Variants in ZDHHC24 observed in about 807,000 individuals in gnomAD.
The protein encoded by ZDHHC24 is zDHHC palmitoyltransferase 24, also known as probable palmitoyltransferase ZDHHC24.
In ZDHHC24, 17 loss-of-function variants were observed where a neutral mutation model predicts 23.2. The observed-to-expected ratio is 0.73, with a 90% CI of 0.50 to 1.10. The LOEUF is 1.10. ZDHHC24 is among the 50% of genes least tolerant of loss of function. The pLI is 0.00. For synonymous variants in ZDHHC24, 186 were observed against 194.5 expected, an observed-to-expected ratio of 0.96 and a Z score of 0.36; for missense variants, 366 against 393.0, an observed-to-expected ratio of 0.93 and a Z score of 0.58.
rs1038861903 is a variant in ZDHHC24 at position 66,539,504 on chromosome 11, T to A, written c.*25A>T. On this transcript the variant is annotated 3_prime_UTR_variant, in exon 3 of 3. Coordinates refer to ENST00000310442, the MANE Select transcript of ZDHHC24 (RefSeq NM_207340.3). ...GGCCCCCCTCTCACCCCTTCCTCCC[T>A]GCACAGCTCTGGCTCTTCCTGGAGT... 3.3e-6 allele frequency: 5 copies of A among 1,519,022 alleles called. No homozygotes were observed. Among genetic ancestry groups the A allele is most frequent in the Admixed American group, 4.4e-5 (2 of 45,200 alleles). The allele number at this position is 1,519,022 out of a possible 1,614,324, so 94.1% of individuals were successfully genotyped here. A position where few individuals can be genotyped will look rare whatever the true frequency, so the allele number is the denominator to read the frequency against.
In ZDHHC24 at chr11:66,545,967, C is replaced by T. The variant is rs1190349412; in HGVS notation, c.37G>A (p.Ala13Thr). Residue 13 changes from alanine to threonine, a missense_variant, in exon 1 of 3, where the codon GCG (alanine) becomes ACG (threonine). Coordinates refer to ENST00000310442, the MANE Select transcript of ZDHHC24 (RefSeq NM_207340.3). The surrounding 1 kb of genome is among the most constrained non-coding windows in gnomAD (Gnocchi z 4.5). ...AGCACGAGAGGCAGCTGCGCGGGCG[C>T]CCCGTCCGTGCTCCCAGCCGCCCAG... ...QPWAAGSTDG[A>T]PAQLPLVLTA... 49 of 1,426,412 alleles carry T rather than the reference C, an allele frequency of 3.4e-5. No homozygotes were observed. The highest frequency in any genetic ancestry group is 4.3e-5 in the Non-Finnish European group (48 of 1,104,532). 88.4% of individuals were successfully genotyped at this position (1,426,412 alleles called of 1,614,324 possible).
chr11:66,532,514 G>GCAA (rs1856829015), downstream of ZDHHC24: 1 of 164,670 alleles, frequency 6.1e-6, no homozygotes, highest in Non-Finnish European at 1.3e-5. Flanking sequence ...GAGTTCCGGA[G>GCAA]GCTGGGCTGC....
chr11:66,530,906 G>A, downstream of ZDHHC24: 1 of 1,614,226 alleles, frequency 6.2e-7, no homozygotes, highest in Non-Finnish European at 8.5e-7. Flanking sequence ...TCAGGGCCTT[G>A]GCCCCACCTT....
At chr11:66,524,598 A>G (rs946308758) in intron 4 of ZDHHC24, among the ~76,000 whole-genome samples, 1 of 152,204 alleles carries the variant, frequency 6.6e-6, no homozygotes, top group Admixed American at 6.5e-5. Flanking sequence ...AACATTCTGC[A>G]CAGAGAATAG....
At position 66,536,120 on chromosome 11, in the gene ZDHHC24, T is replaced by G. The variant is rs768074727; in HGVS notation, c.*3409A>C. On this transcript the variant is annotated 3_prime_UTR_variant, in exon 3 of 3. Coordinates refer to ENST00000310442, the MANE Select transcript of ZDHHC24 (RefSeq NM_207340.3). ...CTATAAAGCAAAGCAACGGAATGAC[T>G]GAAACAGGACAGTGTCTCCCCCACC... 1 of 152,306 alleles carries G rather than the reference T, an allele frequency of 6.6e-6. No homozygotes were observed. Among genetic ancestry groups the G allele is most frequent in the Non-Finnish European group, 1.5e-5 (1 of 68,120 alleles). The allele number at this position is 152,306 out of a possible 1,614,324, so 9.4% of individuals were successfully genotyped here.
At chr11:66,529,721 C>A in intron 2 of ZDHHC24, 2 of 1,474,532 alleles carry the variant, frequency 1.4e-6, no homozygotes, top group Non-Finnish European at 1.9e-6. Flanking sequence ...CCTCCTCTTG[C>A]ACCCTCCCCA....
rs751914638 is a variant in ZDHHC24, at chr11:66,523,435, A to G, written c.*22-1969T>C. 5 of 1,614,184 alleles carry G rather than the reference A, an allele frequency of 3.1e-6. No homozygotes were observed. The South Asian group carries it at 5.5e-5, about 18-fold the overall frequency. ...GGAGAGGATTTCTCTGGGGCCAGACAGTGTGTTGTTTATTCCACAGAGACT... is the reference window on the plus strand; with the variant it reads ...GGAGAGGATTTCTCTGGGGCCAGACGGTGTGTTGTTTATTCCACAGAGACT... On this transcript the variant is annotated intron_variant, in intron 4 of 4. Transcript: ENST00000526986.
At chr11:66,526,528 G>A (rs1234136608) in intron 4 of ZDHHC24, 24 of 1,252,866 alleles carry the variant, frequency 1.9e-5, no homozygotes, top group South Asian at 3.7e-5. Context: ...AAACAGTCTC[G>A]TCTGGAAGAC....
chr11:66,529,213 G>A, intron 3 of ZDHHC24: 2 of 1,482,004 alleles, frequency 1.3e-6, no homozygotes, highest in Non-Finnish European at 1.8e-6. Context: ...GGGCCCTGGA[G>A]GTGGCTTGGG....
At chr11:66,535,387 T>C (rs1856934510), downstream of ZDHHC24, among the ~76,000 whole-genome samples, 1 of 147,850 alleles carries the variant, frequency 6.8e-6, no homozygotes, top group Non-Finnish European at 1.5e-5. Flanking sequence ...TTTTTTTTTT[T>C]AAGACACAGG....
intron 1 of ZDHHC24, 26 bp from the exon 2 acceptor site, chr11:66,544,007 T>C: frequency 6.2e-7 from 1 of 1,608,782 alleles, no homozygotes; most frequent in Non-Finnish European, 8.5e-7. Flanking sequence ...ACAGCGTCAG[T>C]TCCCCCAGCA....
chr11:66,525,629 A>C (rs1053600235), intron 4 of ZDHHC24, among the ~76,000 whole-genome samples: 2 of 152,348 alleles, frequency 1.3e-5, no homozygotes, highest in African/African-American at 4.8e-5. Context: ...TCACAGTATA[A>C]AATTTGCAAA....
At chr11:66,542,763 C>T (rs528577157) in intron 2 of ZDHHC24, 33 of 152,910 alleles carry the variant, frequency 2.2e-4, no homozygotes, top group Non-Finnish European at 3.9e-4. Flanking sequence ...CAGAGTCTTC[C>T]GTGACTGAGG....
intron 3 of ZDHHC24, chr11:66,529,095 C>T (rs1331002235): frequency 1.0e-6 from 1 of 982,080 alleles, no homozygotes; most frequent in Non-Finnish European, 1.2e-6. Flanking sequence ...AAATGTGAAA[C>T]TCTTGAATGG....
At position 66,528,176 on chromosome 11, in the gene ZDHHC24, A is replaced by C. The variant is rs1257821327; in HGVS notation, c.736+1136T>G. Among the ~76,000 whole-genome samples the C allele has an allele frequency of 9.2e-5, 14 of 152,312 alleles. 1 individual carries two copies. The highest frequency in any genetic ancestry group is 7.8e-4 in the Admixed American group (12 of 15,292). ...GGTTGCAGTGAACCAAGATCACGCC[A>C]CTGCACTCCAGCCTGGGTGACAAGA... is the stretch of plus-strand genomic sequence containing the variant. On this transcript the variant is annotated intron_variant, in intron 3 of 4. Coordinates refer to the ZDHHC24 transcript ENST00000526986.
At chr11:66,530,459 C>T (rs1856727659) in intron 2 of ZDHHC24, among the ~76,000 whole-genome samples, 1 of 152,134 alleles carries the variant, frequency 6.6e-6, no homozygotes, top group Admixed American at 6.5e-5. Context: ...GCCCTAAATG[C>T]GTCCCTGAGG....
At chr11:66,528,658 G>C (rs1247791557) in intron 3 of ZDHHC24, among the ~76,000 whole-genome samples, 1 of 152,118 alleles carries the variant, frequency 6.6e-6, no homozygotes, top group African/African-American at 2.4e-5. Context: ...AGGACAACTT[G>C]CTTCTAGAAA....
chr11:66,543,253 C>G (rs1240306776), intron 2 of ZDHHC24, among the ~76,000 whole-genome samples: 2 of 152,090 alleles, frequency 1.3e-5, no homozygotes, highest in African/African-American at 4.8e-5. Context: ...CTGTCACTTT[C>G]ACTGGCTCCC....
At chr11:66,539,940 G>T in intron 2 of ZDHHC24, 116 bp from the exon 3 acceptor site, 1 of 1,084,890 alleles carries the variant, frequency 9.2e-7, no homozygotes, top group Non-Finnish European at 1.3e-6. Flanking sequence ...ACCCTGTGTC[G>T]ATACTCGCTG....
Sources: allele counts gnomAD v4.1 joint callset (sites outside exome capture counted in the v4.1 genomes callset), GRCh38; gene constraint gnomAD v4.1.1; non-coding constraint Gnocchi (gnomAD v3.1); transcripts MANE v1.5; gene names NCBI Gene and HGNC (gene_info 2026-07-23, HGNC 2026-07-21).